Variants in SPATS2L observed in about 807,000 individuals in gnomAD.
SPATS2L encodes spermatogenesis associated serine rich 2 like.
In SPATS2L, 30 loss-of-function variants were observed where a neutral mutation model predicts 59.6. The ratio of observed to expected loss-of-function variants is 0.50; its 90% CI spans 0.38 to 0.68. SPATS2L has a LOEUF of 0.68. Ranked by LOEUF, SPATS2L falls within the 30% of genes least tolerant of loss-of-function variation. The pLI, the probability that SPATS2L is intolerant of heterozygous loss-of-function variation, is 0.00. For synonymous variants in SPATS2L, 252 were observed against 263.5 expected (o/e 0.96, Z 0.42); for missense variants, 615 against 700.0 (o/e 0.88, Z 1.37).
intron 4 of SPATS2L, among the ~76,000 whole-genome samples, chr2:200,412,850 G>A (rs2082926772): frequency 6.6e-6 from 1 of 151,910 alleles, no homozygotes; most frequent in Non-Finnish European, 1.5e-5. Context: ...CCAGGAGTTC[G>A]AGACCAGCCT....
rs548776543 is a variant in SPATS2L, at chr2:200,400,284, C to T, written c.39+11001C>T. 6.6e-5 allele frequency among the ~76,000 whole-genome samples: 10 copies of T among 152,244 alleles called. No homozygotes were observed. The South Asian group carries it at 1.9e-3, about 28-fold the overall frequency. ...GTATAACCAGCTGGCTGAAAACAGA[C>T]CTCCAGTGGACTCAAGGACTCAGTG... On this transcript the variant is annotated intron_variant, in intron 3 of 12. Transcript: ENST00000409140.
chr2:200,427,196 C>G (rs1204880802), intron 6 of SPATS2L, among the ~76,000 whole-genome samples: 1 of 152,044 alleles, frequency 6.6e-6, no homozygotes, highest in Non-Finnish European at 1.5e-5. Flanking sequence ...AAAAATTTTT[C>G]TTAAGATTTT....
intron 2 of SPATS2L, among the ~76,000 whole-genome samples, chr2:200,367,600 G>A (rs531446605): frequency 9.9e-5 from 15 of 152,150 alleles, no homozygotes; most frequent in East Asian, 1.9e-4. Flanking sequence ...TGCGTGCAGC[G>A]TTTGCATTTG....
Position 200,349,311 on chromosome 2 carries a change from G to C in SPATS2L, c.-23+19831G>C, listed in dbSNP as rs570724697. ...AAATGAGGAAACCGAGATCTAGAAA[G>C]GAGAAATGACTCACAGGCTACATCA... On this transcript the variant is annotated intron_variant, in intron 2 of 12. Coordinates refer to ENST00000409140, the MANE Select transcript of SPATS2L (RefSeq NM_001100423.2). Among the ~76,000 whole-genome samples, 4 of 152,284 alleles carry C rather than the reference G, an allele frequency of 2.6e-5. No homozygotes were observed. In the South Asian group the frequency reaches 8.3e-4, roughly 32 times the overall value.
intron 8 of SPATS2L, among the ~76,000 whole-genome samples, chr2:200,452,533 C>G (rs574463330): frequency 6.6e-6 from 1 of 152,312 alleles, no homozygotes; most frequent in South Asian, 2.1e-4. Flanking sequence ...GATTTCAAAT[C>G]ATTGTATGAT....
chr2:200,374,017 C>G (rs894382987), intron 2 of SPATS2L, among the ~76,000 whole-genome samples: 1 of 152,156 alleles, frequency 6.6e-6, no homozygotes, highest in African/African-American at 2.4e-5. Flanking sequence ...AGCTGCATTA[C>G]GAACAGAACA....
intron 1 of SPATS2L, among the ~76,000 whole-genome samples, chr2:200,307,859 T>G (rs1426746309): frequency 6.6e-6 from 1 of 152,248 alleles, no homozygotes; most frequent in Non-Finnish European, 1.5e-5. Flanking sequence ...ACCTGACACT[T>G]TTCGTGAAAG....
chr2:200,365,156 A>T (rs1263838874), intron 2 of SPATS2L, among the ~76,000 whole-genome samples: 3 of 152,250 alleles, frequency 2.0e-5, no homozygotes. Context: ...AGAAACCAAC[A>T]GAATTGTATT....
intron 10 of SPATS2L, chr2:200,469,672 T>C (rs2106227648): frequency 2.2e-6 from 1 of 448,306 alleles, no homozygotes; most frequent in Non-Finnish European, 4.0e-6. Flanking sequence ...GACACACATT[T>C]CATGTAGGCC....
intron 3 of SPATS2L, among the ~76,000 whole-genome samples, chr2:200,398,059 TGAG>T (rs1297491220): frequency 6.6e-6 from 1 of 152,214 alleles, no homozygotes; most frequent in Non-Finnish European, 1.5e-5. Flanking sequence ...GGCAGGCTGA[TGAG>T]GAGTGTTTAG....
intron 6 of SPATS2L, among the ~76,000 whole-genome samples, chr2:200,426,284 G>A (rs2083575704): frequency 1.3e-5 from 2 of 151,806 alleles, no homozygotes; most frequent in African/African-American, 4.8e-5. Flanking sequence ...TAGAGATGGG[G>A]TTTCACTGTG....
At chr2:200,476,947 C>T (rs757498650) in intron 12 of SPATS2L, among the ~76,000 whole-genome samples, 1 of 152,146 alleles carries the variant, frequency 6.6e-6, no homozygotes, top group Non-Finnish European at 1.5e-5. Context: ...GGAGTGGGAA[C>T]GTATTCTTCC....
chr2:200,369,474 T>C (rs2081362013), intron 2 of SPATS2L, among the ~76,000 whole-genome samples: 2 of 151,740 alleles, frequency 1.3e-5, no homozygotes, highest in African/African-American at 2.4e-5. Flanking sequence ...TAAAAGACCA[T>C]TTAAAAAGAA....
intron 5 of SPATS2L, among the ~76,000 whole-genome samples, chr2:200,417,565 A>G (rs2083117592): frequency 6.6e-6 from 1 of 152,168 alleles, no homozygotes; most frequent in South Asian, 2.1e-4. Flanking sequence ...CCAACTCATT[A>G]CTGAGTCTTC....
intron 2 of SPATS2L, among the ~76,000 whole-genome samples, chr2:200,369,488 A>C (rs776233850): frequency 4.4e-4 from 67 of 152,170 alleles, no homozygotes; most frequent in Non-Finnish European, 4.1e-4. Flanking sequence ...AAAAGAATGC[A>C]GGGAGAGGCC....
Position 200,458,441 on chromosome 2 carries a change from C to A in SPATS2L, c.789-1328C>A, listed in dbSNP as rs1322478572. Among the ~76,000 whole-genome samples, 4 of 151,990 alleles carry A rather than the reference C, an allele frequency of 2.6e-5. No homozygotes were observed. The East Asian group carries it at 5.8e-4, about 22-fold the overall frequency. ...ACACATAATGACACAATACACTTAT[C>A]AAGTGTTCCTCCTAAGAAAATAAAA... is the stretch of plus-strand genomic sequence containing the variant. On this transcript the variant is annotated intron_variant, in intron 8 of 12. Transcript: ENST00000409140.
intron 1 of SPATS2L, among the ~76,000 whole-genome samples, chr2:200,326,672 T>A (rs961898606): frequency 6.6e-6 from 1 of 152,124 alleles, no homozygotes; most frequent in Non-Finnish European, 1.5e-5. Context: ...AGAAACATAG[T>A]AAAGACAGTA....
At chr2:200,445,621 C>T (rs1343040446) in intron 8 of SPATS2L, among the ~76,000 whole-genome samples, 1 of 152,152 alleles carries the variant, frequency 6.6e-6, no homozygotes, top group Non-Finnish European at 1.5e-5. Context: ...ACTGTATGTC[C>T]CATATTCCCA....
chr2:200,316,574 A>G (rs1417151471), intron 1 of SPATS2L, among the ~76,000 whole-genome samples: 1 of 152,204 alleles, frequency 6.6e-6, no homozygotes, highest in Non-Finnish European at 1.5e-5. Context: ...TGCCTTGTCC[A>G]GGTAGTTTAG....
Sources: allele counts gnomAD v4.1 joint callset (sites outside exome capture counted in the v4.1 genomes callset), GRCh38; gene constraint gnomAD v4.1.1; transcripts MANE v1.5; gene names NCBI Gene and HGNC (gene_info 2026-07-23, HGNC 2026-07-21).